Variants in SEM1 observed in about 807,000 individuals in gnomAD.
SEM1 encodes the protein SEM1 26S proteasome subunit.
A neutral mutation model predicts 12.7 loss-of-function variants in SEM1; 3 were observed. The ratio of observed to expected loss-of-function variants is 0.24; its 90% CI spans 0.11 to 0.61. SEM1 has a LOEUF of 0.61. SEM1 is among the 20% of genes least tolerant of loss of function. The pLI is 0.88. For missense variants in SEM1, 59 were observed against 81.3 expected (o/e 0.73, Z 1.06); for synonymous variants, 30 against 27.8 (o/e 1.08, Z -0.25).
intron 2 of SEM1, among the ~76,000 whole-genome samples, chr7:96,529,915 A>G (rs952019445): frequency 2.6e-5 from 4 of 152,120 alleles, no homozygotes; most frequent in African/African-American, 9.7e-5. Flanking sequence ...AGCTCTGGGA[A>G]TCCCTGGCTC....
At chr7:96,556,779 A>C (rs1221793289) in intron 2 of SEM1, among the ~76,000 whole-genome samples, 1 of 136,312 alleles carries the variant, frequency 7.3e-6, no homozygotes, top group African/African-American at 2.7e-5. Flanking sequence ...AATATCCTGC[A>C]GAGTGTTTTC....
chr7:96,617,187 G>GT (rs1175444050), intron 2 of SEM1, among the ~76,000 whole-genome samples: 2 of 151,914 alleles, frequency 1.3e-5, no homozygotes, highest in Non-Finnish European at 2.9e-5. Context: ...AGCATGGGGT[G>GT]TTTTTTTCAT....
At chr7:96,701,629 T>C (rs1790277964) in intron 1 of SEM1, among the ~76,000 whole-genome samples, 1 of 152,152 alleles carries the variant, frequency 6.6e-6, no homozygotes, top group Non-Finnish European at 1.5e-5. Context: ...TTATTAGCCA[T>C]ATATTACAGA....
chr7:96,547,544 C>A (rs1262878328), intron 2 of SEM1, among the ~76,000 whole-genome samples: 1 of 152,154 alleles, frequency 6.6e-6, no homozygotes, highest in Non-Finnish European at 1.5e-5. Flanking sequence ...TGTCCAATGA[C>A]AATGTGCCTG....
At chr7:96,660,030 C>G (rs1327826552) in intron 2 of SEM1, among the ~76,000 whole-genome samples, 1 of 151,694 alleles carries the variant, frequency 6.6e-6, no homozygotes, top group African/African-American at 2.4e-5. Context: ...AAAGTAAAAC[C>G]TACTGTTGAT....
upstream of SEM1, among the ~76,000 whole-genome samples, chr7:96,498,200 G>A (rs891436795): frequency 2.0e-5 from 3 of 152,094 alleles, no homozygotes; most frequent in South Asian, 2.1e-4. Flanking sequence ...CACATGGCCC[G>A]CCTTCTAGGC....
intron 2 of SEM1, among the ~76,000 whole-genome samples, chr7:96,607,726 C>T (rs1319799248): frequency 6.6e-6 from 1 of 152,188 alleles, no homozygotes; most frequent in African/African-American, 2.4e-5. Flanking sequence ...TCACTTTTGC[C>T]CATTCCCTAT....
chr7:96,563,104 G>A (rs1281515591), intron 2 of SEM1, among the ~76,000 whole-genome samples: 1 of 152,034 alleles, frequency 6.6e-6, no homozygotes, highest in Non-Finnish European at 1.5e-5. Flanking sequence ...GATGATGCTG[G>A]GAAGAGAGAA....
chr7:96,664,981 A>G (rs1427465977), intron 2 of SEM1, among the ~76,000 whole-genome samples: 1 of 152,166 alleles, frequency 6.6e-6, no homozygotes, highest in Non-Finnish European at 1.5e-5. Flanking sequence ...ACTTGTTTTC[A>G]AGCTCCAGAT....
chr7:96,496,873 C>T (rs559015785), upstream of SEM1, among the ~76,000 whole-genome samples: 15 of 152,078 alleles, frequency 9.9e-5, no homozygotes, highest in African/African-American at 3.1e-4. Flanking sequence ...TTATAATTCT[C>T]AGCCTGAAGA....
At chr7:96,620,935 C>T (rs527257301), downstream of SEM1, among the ~76,000 whole-genome samples, 13 of 152,150 alleles carry the variant, frequency 8.5e-5, no homozygotes, top group African/African-American at 3.1e-4. Flanking sequence ...TAGTTTGGGG[C>T]TTTGTGTGTT....
intron 2 of SEM1, among the ~76,000 whole-genome samples, chr7:96,536,305 T>A (rs1218775420): frequency 2.0e-5 from 3 of 151,884 alleles, no homozygotes; most frequent in African/African-American, 7.2e-5. Context: ...TTTTATGATT[T>A]CTATACTTTT....
At chr7:96,708,277 A>G (rs1173505636) in intron 1 of SEM1, 1 of 152,248 alleles carries the variant, frequency 6.6e-6, no homozygotes, top group Non-Finnish European at 1.5e-5. Context: ...GAATGCCTAC[A>G]ACACATAATT....
intron 2 of SEM1, among the ~76,000 whole-genome samples, chr7:96,546,722 G>T (rs1328139098): frequency 1.3e-5 from 2 of 152,058 alleles, no homozygotes; most frequent in African/African-American, 4.8e-5. Context: ...GTTTTGGAAT[G>T]AAATTCTACT....
chr7:96,587,830 A>G (rs1806690425), intron 2 of SEM1, among the ~76,000 whole-genome samples: 1 of 152,298 alleles, frequency 6.6e-6, no homozygotes, highest in Non-Finnish European at 1.5e-5. Flanking sequence ...ATATACTCAC[A>G]TATTATAACC....
chr7:96,694,204 G>A (rs1469880200), intron 2 of SEM1, among the ~76,000 whole-genome samples: 1 of 151,914 alleles, frequency 6.6e-6, no homozygotes, highest in Admixed American at 6.6e-5. Context: ...GAAAGAACGT[G>A]GAATGACTGC....
At chr7:96,507,872 A>G (rs973237623) in intron 2 of SEM1, among the ~76,000 whole-genome samples, 1 of 152,044 alleles carries the variant, frequency 6.6e-6, no homozygotes. Context: ...CTGACTACCT[A>G]CTTGATAGGA....
upstream of SEM1, among the ~76,000 whole-genome samples, chr7:96,499,420 C>T (rs1359889352): frequency 6.6e-6 from 1 of 152,172 alleles, no homozygotes; most frequent in Non-Finnish European, 1.5e-5. Flanking sequence ...AGCTACTTTT[C>T]ACTCACAGAA....
chr7:96,484,754 G>T, intron 3 of SEM1: 1 of 918,140 alleles, frequency 1.1e-6, no homozygotes, highest in South Asian at 1.4e-5. Flanking sequence ...GCATCACTGG[G>T]TGCCTTAAAA....
Sources: allele counts gnomAD v4.1 joint callset (sites outside exome capture counted in the v4.1 genomes callset), GRCh38; gene constraint gnomAD v4.1.1; transcripts MANE v1.5; gene names NCBI Gene and HGNC (gene_info 2026-07-23, HGNC 2026-07-21).